The following EDNRB variants were observed in gnomAD, a reference collection of about 807,000 sequenced individuals.
The protein encoded by EDNRB is endothelin receptor type B.
EDNRB carries 18 observed loss-of-function variants against 46.4 expected under a neutral mutation model. That is an observed-to-expected ratio of 0.39 (90% CI 0.27 to 0.57). The LOEUF (loss-of-function observed/expected upper bound fraction) is 0.57. Ranked by LOEUF, EDNRB falls within the 20% of genes least tolerant of loss-of-function variation. The pLI is 0.61. For missense variants in EDNRB, 434 were observed against 537.5 expected (o/e 0.81, Z 1.90); for synonymous variants, 213 against 204.9 (o/e 1.04, Z -0.34).
In EDNRB at chr13:77,895,679, A is replaced by C. The variant is rs1878584293; in HGVS notation, c.*2521T>G. 6.6e-6 allele frequency: 1 copy of C among 152,090 alleles called. No individual in the cohort carries two copies. The highest frequency in any genetic ancestry group is 1.5e-5 in the Non-Finnish European group (1 of 67,972). 9.4% of individuals were successfully genotyped at this position (152,090 alleles called of 1,614,324 possible). On this transcript the variant is annotated 3_prime_UTR_variant, in exon 7 of 7. Transcript: ENST00000646607. ...TTAAATTTTTATTGGTTTTGCTTACATAATAAAAAATCAGTAACTATAGCC... is the reference window on the plus strand; with the variant it reads ...TTAAATTTTTATTGGTTTTGCTTACCTAATAAAAAATCAGTAACTATAGCC...
intron 1 of EDNRB, among the ~76,000 whole-genome samples, chr13:77,964,586 C>G (rs528590216): frequency 3.1e-4 from 47 of 152,216 alleles, no homozygotes; most frequent in African/African-American, 9.9e-4. Context: ...AATGAGAACA[C>G]TCGGACACAG....
intron 1 of EDNRB, among the ~76,000 whole-genome samples, chr13:77,957,866 C>T (rs961844789): frequency 1.3e-5 from 2 of 152,116 alleles, no homozygotes; most frequent in African/African-American, 2.4e-5. Flanking sequence ...TATTTGCAGA[C>T]AGTAAAATGT....
chr13:77,925,263 C>G (rs915161263), intron 1 of EDNRB, among the ~76,000 whole-genome samples: 1 of 152,228 alleles, frequency 6.6e-6, no homozygotes, highest in Non-Finnish European at 1.5e-5. Context: ...TAATATCCCA[C>G]TGTTTGTATA....
At chr13:77,919,451 G>A, upstream of EDNRB, 3 of 1,612,624 alleles carry the variant, frequency 1.9e-6, no homozygotes, top group Non-Finnish European at 2.5e-6. Flanking sequence ...ACCTTCCCGG[G>A]AGGCGGAACC....
At chr13:77,973,791 T>A (rs1881804768) in intron 1 of EDNRB, among the ~76,000 whole-genome samples, 1 of 152,120 alleles carries the variant, frequency 6.6e-6, no homozygotes, top group South Asian at 2.1e-4. Context: ...TTTTTTTTCA[T>A]GACTTTCGCA....
At chr13:77,964,946 G>T (rs1881539676) in intron 1 of EDNRB, among the ~76,000 whole-genome samples, 1 of 152,132 alleles carries the variant, frequency 6.6e-6, no homozygotes, top group Admixed American at 6.5e-5. Flanking sequence ...GAGAGGAAAA[G>T]GAGCACTTGA....
chr13:77,936,284 T>A (rs1192829800), intron 1 of EDNRB, among the ~76,000 whole-genome samples: 1 of 152,056 alleles, frequency 6.6e-6, no homozygotes, highest in Admixed American at 6.6e-5. Flanking sequence ...GATAATTTAA[T>A]TAAAGTGTCT....
At chr13:77,908,813 T>C (rs980948915) in intron 1 of EDNRB, among the ~76,000 whole-genome samples, 1 of 151,996 alleles carries the variant, frequency 6.6e-6, no homozygotes, top group African/African-American at 2.4e-5. Flanking sequence ...TGTTTAGAGT[T>C]TAATATTGAC....
chr13:77,916,476 A>G (rs1247235434), intron 1 of EDNRB, among the ~76,000 whole-genome samples: 1 of 152,320 alleles, frequency 6.6e-6, no homozygotes, highest in East Asian at 1.9e-4. Flanking sequence ...ATTGCCATAC[A>G]GGATTTTAGG....
chr13:77,901,243 CT>C, intron 3 of EDNRB, 36 bp from the exon 4 acceptor site: 1 of 1,602,114 alleles, frequency 6.2e-7, no homozygotes, highest in Non-Finnish European at 8.5e-7. Flanking sequence ...ATTAATACTC[CT>C]CTGTAAGAAA....
chr13:77,897,220 G>A lies in EDNRB; in HGVS notation c.*980C>T, dbSNP rs200652977. 1 of 985,244 alleles carries A rather than the reference G, an allele frequency of 1.0e-6. No homozygotes were observed. Among genetic ancestry groups the A allele is most frequent in the Non-Finnish European group, 1.2e-6 (1 of 829,878 alleles). The allele number at this position is 985,244 out of a possible 1,614,324, so 61.0% of individuals were successfully genotyped here. ...TCGTAAAGCTATGAGCACAGGGCCT[G>A]CCCTCATTTAATCATCTACATGCAG... On this transcript the variant is annotated 3_prime_UTR_variant, in exon 7 of 7. Coordinates refer to ENST00000646607, the MANE Select transcript of EDNRB (RefSeq NM_001122659.3).
At chr13:77,974,914 T>G (rs1316421649) in intron 1 of EDNRB, among the ~76,000 whole-genome samples, 1 of 152,114 alleles carries the variant, frequency 6.6e-6, no homozygotes, top group Non-Finnish European at 1.5e-5. Context: ...TAGTTCCTAG[T>G]AGGGTGGGCT....
intron 1 of EDNRB, among the ~76,000 whole-genome samples, chr13:77,944,558 T>C (rs1246932534): frequency 6.6e-6 from 1 of 152,048 alleles, no homozygotes; most frequent in Non-Finnish European, 1.5e-5. Flanking sequence ...TAGGTGCACA[T>C]AAATTCCAAC....
rs191051709 is a variant in EDNRB at position 77,933,017 on chromosome 13, G to A, written c.-51-14393C>T. ...GCATTAAAATATGCAAATTTCCCTC[G>A]TGCTGTGTTATATATGTTTAAGATA... On this transcript the variant is annotated intron_variant, in intron 1 of 7. Transcript: ENST00000646948. 1.1e-3 allele frequency among the ~76,000 whole-genome samples: 163 copies of A among 152,140 alleles called. 1 individual carries two copies. The highest frequency in any genetic ancestry group is 7.5e-4 in the Non-Finnish European group (51 of 68,012).
rs150168188 is a variant in EDNRB, at chr13:77,966,273, G to A, written c.-52+9074C>T. Among the ~76,000 whole-genome samples the A allele has an allele frequency of 2.6e-4, 39 of 152,200 alleles. No individual in the cohort carries two copies. The East Asian group carries it at 7.3e-3, about 29-fold the overall frequency. ...ATACACTTTTCCACAGGAATTCCTT[G>A]GCTTACTCATTTGGGTGGTGTTGAA... On this transcript the variant is annotated intron_variant, in intron 1 of 7. Transcript: ENST00000646948.
chr13:77,938,043 G>A (rs1880620726), intron 1 of EDNRB, among the ~76,000 whole-genome samples: 1 of 152,134 alleles, frequency 6.6e-6, no homozygotes, highest in Non-Finnish European at 1.5e-5. Flanking sequence ...GTTTGTTTGG[G>A]GTCAAGCGGC....
chr13:77,949,853 C>T (rs1329865024), intron 1 of EDNRB, among the ~76,000 whole-genome samples: 1 of 152,108 alleles, frequency 6.6e-6, no homozygotes, highest in Non-Finnish European at 1.5e-5. Context: ...CCCTGAGAAA[C>T]TTCCTTAACC....
intron 1 of EDNRB, among the ~76,000 whole-genome samples, chr13:77,932,463 C>G (rs904961751): frequency 6.6e-6 from 1 of 152,162 alleles, no homozygotes; most frequent in African/African-American, 2.4e-5. Flanking sequence ...TTTATGTCTA[C>G]TTTATTAAAG....
rs760458770 is a variant in EDNRB, at chr13:77,897,395, G to A, written c.*805C>T. On this transcript the variant is annotated 3_prime_UTR_variant, in exon 7 of 7. Coordinates refer to ENST00000646607, the MANE Select transcript of EDNRB (RefSeq NM_001122659.3). ...TGACAGATTCAAAAAAGTCTTTTGGGATAGCCTTTCAAACATTCTATTTCT... is the reference window on the plus strand; with the variant it reads ...TGACAGATTCAAAAAAGTCTTTTGGAATAGCCTTTCAAACATTCTATTTCT... 5.1e-6 allele frequency: 5 copies of A among 985,232 alleles called. No homozygotes were observed. Among genetic ancestry groups the A allele is most frequent in the Non-Finnish European group, 4.8e-6 (4 of 829,830 alleles). The allele number at this position is 985,232 out of a possible 1,614,324, so 61.0% of individuals were successfully genotyped here. A position where few individuals can be genotyped will look rare whatever the true frequency, so the allele number is the denominator to read the frequency against.
Sources: gnomAD v4.1 joint callset for allele counts (sites outside exome capture counted in the v4.1 genomes callset) on GRCh38, gnomAD v4.1.1 for gene constraint, MANE v1.5 for transcripts, NCBI Gene and HGNC (gene_info 2026-07-23, HGNC 2026-07-21) for gene names.